Variants in THSD4 observed in about 807,000 individuals in gnomAD.
THSD4 encodes thrombospondin type-1 domain-containing protein 4.
Under a neutral mutation model 119.0 loss-of-function variants are expected in THSD4, and 69 were observed. The observed-to-expected ratio is 0.58, with a 90% confidence interval of 0.48 to 0.71. The LOEUF is 0.71. Among genes scored for constraint, THSD4 ranks in the 30% least tolerant of loss-of-function variants. The pLI is 0.00. For synonymous variants in THSD4, 524 were observed against 540.4 expected, an observed-to-expected ratio of 0.97 and a Z score of 0.42; for missense variants, 1,393 against 1,391.1, an observed-to-expected ratio of 1.00 and a Z score of -0.02.
chr15:71,350,559 T>C (rs2045731121), intron 6 of THSD4, among the ~76,000 whole-genome samples: 1 of 152,194 alleles, frequency 6.6e-6, no homozygotes, highest in African/African-American at 2.4e-5. Context: ...TGACTTGAAT[T>C]TTTATTTTTC....
At chr15:71,330,560 C>A (rs1353044119) in intron 6 of THSD4, among the ~76,000 whole-genome samples, 1 of 152,106 alleles carries the variant, frequency 6.6e-6, no homozygotes, top group Non-Finnish European at 1.5e-5. Flanking sequence ...GAAGTAATAA[C>A]AATAGTATCA....
At chr15:71,135,459 A>G (rs1321697883) in intron 1 of THSD4, among the ~76,000 whole-genome samples, 1 of 150,224 alleles carries the variant, frequency 6.7e-6, no homozygotes, top group Non-Finnish European at 1.5e-5. Flanking sequence ...TATGTCTAGT[A>G]TCTATTAAGG....
At chr15:71,485,801 C>T (rs971633778) in intron 7 of THSD4, among the ~76,000 whole-genome samples, 8 of 151,996 alleles carry the variant, frequency 5.3e-5, no homozygotes, top group South Asian at 2.1e-4. Context: ...AATTAGTGGC[C>T]GTGTATATCA....
intron 1 of THSD4, among the ~76,000 whole-genome samples, chr15:71,122,787 C>T (rs980207878): frequency 2.6e-5 from 4 of 152,148 alleles, no homozygotes; most frequent in African/African-American, 9.7e-5. Context: ...TAGTTTCTCC[C>T]ACTCTAAAAA....
chr15:71,292,852 A>G (rs1425478398), intron 6 of THSD4, among the ~76,000 whole-genome samples: 1 of 151,816 alleles, frequency 6.6e-6, no homozygotes, highest in Non-Finnish European at 1.5e-5. Flanking sequence ...GATTTTTTGT[A>G]TTTTTAGTAG....
chr15:71,533,796 C>T (rs994951295), intron 7 of THSD4, among the ~76,000 whole-genome samples: 1 of 152,130 alleles, frequency 6.6e-6, no homozygotes, highest in African/African-American at 2.4e-5. Flanking sequence ...CCTGCCATTG[C>T]TAGCTTTGAA....
intron 6 of THSD4, among the ~76,000 whole-genome samples, chr15:71,266,228 G>A (rs2044464557): frequency 6.6e-6 from 1 of 152,126 alleles, no homozygotes; most frequent in Non-Finnish European, 1.5e-5. Context: ...GCATCTAGTG[G>A]GGGTCCCTCT....
chr15:71,510,917 G>A (rs1031411066), intron 7 of THSD4, among the ~76,000 whole-genome samples: 1 of 152,088 alleles, frequency 6.6e-6, no homozygotes, highest in African/African-American at 2.4e-5. Context: ...GTGAGCTCAC[G>A]TTTGGCGGTG....
chr15:71,312,824 A>G (rs2045131105), intron 6 of THSD4, among the ~76,000 whole-genome samples: 2 of 152,050 alleles, frequency 1.3e-5, no homozygotes, highest in South Asian at 2.1e-4. Flanking sequence ...AGATCTTCCT[A>G]TGGCTTCCTC....
At chr15:71,647,369 G>C (rs1281215220) in intron 7 of THSD4, among the ~76,000 whole-genome samples, 1 of 152,166 alleles carries the variant, frequency 6.6e-6, no homozygotes, top group Admixed American at 6.6e-5. Flanking sequence ...CATTGAGTTT[G>C]ACAGATAACC....
At chr15:71,570,897 A>C (rs558685491) in intron 7 of THSD4, among the ~76,000 whole-genome samples, 5 of 152,260 alleles carry the variant, frequency 3.3e-5, no homozygotes, top group Middle Eastern at 3.4e-3. Context: ...TTCCCAGACT[A>C]CACTCCAGGG....
chr15:71,735,466 CTCTCTT>C (rs906706303), intron 10 of THSD4, among the ~76,000 whole-genome samples: 21 of 151,124 alleles, frequency 1.4e-4, no homozygotes, highest in South Asian at 4.3e-4. Flanking sequence ...CTCTCTCTCT[CTCTCTT>C]TCTCACTAGC....
intron 8 of THSD4, among the ~76,000 whole-genome samples, chr15:71,670,521 A>G (rs1420737018): frequency 6.7e-6 from 1 of 149,662 alleles, no homozygotes. Flanking sequence ...TATATACTTT[A>G]AGTTCTAGGG....
upstream of THSD4, chr15:71,110,893 A>C (rs2040298969): frequency 2.0e-6 from 1 of 503,550 alleles, no homozygotes; most frequent in Non-Finnish European, 3.5e-6. Flanking sequence ...GCTTGAGAAG[A>C]GGAGGCCCTG....
At chr15:71,299,873 C>T (rs373598079) in intron 6 of THSD4, among the ~76,000 whole-genome samples, 12 of 150,840 alleles carry the variant, frequency 8.0e-5, no homozygotes, top group African/African-American at 2.7e-4. Flanking sequence ...CACTTGTAAT[C>T]CCAGCAATTT....
At chr15:71,214,206 G>T (rs1390717356) in intron 3 of THSD4, among the ~76,000 whole-genome samples, 1 of 152,230 alleles carries the variant, frequency 6.6e-6, no homozygotes, top group East Asian at 1.9e-4. Flanking sequence ...TCAGCAGGAT[G>T]TGGGCGGGGA....
At chr15:71,408,194 C>A (rs1464567501) in intron 6 of THSD4, among the ~76,000 whole-genome samples, 1 of 151,858 alleles carries the variant, frequency 6.6e-6, no homozygotes, top group Non-Finnish European at 1.5e-5. Flanking sequence ...AAGTGAATAT[C>A]CATGCAAAAC....
intron 7 of THSD4, among the ~76,000 whole-genome samples, chr15:71,414,426 G>T (rs1040965874): frequency 7.6e-4 from 116 of 152,350 alleles, no homozygotes; most frequent in Non-Finnish European, 3.1e-4. Context: ...TTCTGATTCA[G>T]TAGGGCCTGG....
In THSD4 at chr15:71,450,995, T is replaced by G. The variant is rs559060262; in HGVS notation, c.1152+39172T>G. On this transcript the variant is annotated intron_variant, in intron 7 of 17. Transcript: ENST00000261862. ...GAGTTTGAGACCAGCCTGGTCAACA[T>G]GGCGAAACACCGTCTCCACTAAAAA... Among the ~76,000 whole-genome samples the G allele has an allele frequency of 2.9e-4, 44 of 152,238 alleles. 1 individual carries two copies. In the South Asian group the frequency reaches 9.1e-3, roughly 32 times the overall value.
Sources: gnomAD v4.1 joint callset for allele counts (sites outside exome capture counted in the v4.1 genomes callset) on GRCh38, gnomAD v4.1.1 for gene constraint, MANE v1.5 for transcripts, NCBI Gene and HGNC (gene_info 2026-07-23, HGNC 2026-07-21) for gene names.